MAD1L1: variants seen among roughly 807,000 people sequenced by gnomAD.
The protein encoded by MAD1L1 is mitotic spindle assembly checkpoint protein MAD1.
In MAD1L1, 95 loss-of-function variants were observed where a neutral mutation model predicts 96.9. The observed-to-expected ratio is 0.98, with a 90% CI of 0.83 to 1.16. MAD1L1 has a LOEUF of 1.16. Ranked by LOEUF, MAD1L1 falls within the 50% of genes most tolerant of loss-of-function variation. The probability of loss-of-function intolerance (pLI) is 0.00; values close to 1 mark genes in which losing one functional copy is unlikely to be tolerated. For synonymous variants in MAD1L1, 473 were observed against 396.6 expected, an observed-to-expected ratio of 1.19 and a Z score of -2.29; for missense variants, 1,007 against 954.4, an observed-to-expected ratio of 1.06 and a Z score of -0.73.
chr7:1,977,854 G>A (rs1780717571), intron 15 of MAD1L1, among the ~76,000 whole-genome samples: 1 of 152,256 alleles, frequency 6.6e-6, no homozygotes, highest in African/African-American at 2.4e-5. Context: ...CACGGGCCGG[G>A]ACACGCTGAC....
At chr7:1,824,496 A>C (rs1177920123) in intron 18 of MAD1L1, among the ~76,000 whole-genome samples, 2 of 152,172 alleles carry the variant, frequency 1.3e-5, no homozygotes, top group South Asian at 4.1e-4. Context: ...TGAGGACAGC[A>C]GCTGCCCCGT....
intron 16 of MAD1L1, among the ~76,000 whole-genome samples, chr7:1,951,346 G>A (rs982223251): frequency 6.6e-6 from 1 of 152,236 alleles, no homozygotes; most frequent in Admixed American, 6.5e-5. Flanking sequence ...GGCAGGGTTG[G>A]AGTAGTCACC....
chr7:2,121,432 G>A (rs894957426), intron 11 of MAD1L1, among the ~76,000 whole-genome samples: 2 of 152,100 alleles, frequency 1.3e-5, no homozygotes, highest in Admixed American at 1.3e-4. Flanking sequence ...TGGCAGGCAC[G>A]ACCTCACAGC....
chr7:1,916,092 CCA>C lies in MAD1L1; in HGVS notation c.1808-17704_1808-17703del, dbSNP rs1788373490. 1.3e-5 allele frequency among the ~76,000 whole-genome samples: 2 copies of C among 152,154 alleles called. 1 individual carries two copies. The highest frequency in any genetic ancestry group is 4.8e-5 in the African/African-American group (2 of 41,434). On this transcript the variant is annotated intron_variant, in intron 17 of 18. Coordinates refer to ENST00000265854, the MANE Select transcript of MAD1L1 (RefSeq NM_001013836.2). ...CACCTGTGAGGAAGTGCAGGCATCC[CCA>C]CACACTCCGCACCCACCAGTGGGGC... is the stretch of plus-strand genomic sequence containing the variant.
At chr7:2,214,935 C>T (rs1460875138) in intron 9 of MAD1L1, among the ~76,000 whole-genome samples, 1 of 152,152 alleles carries the variant, frequency 6.6e-6, no homozygotes, top group African/African-American at 2.4e-5. Flanking sequence ...TAAGTGGCTT[C>T]AAACAACACA....
At chr7:2,129,501 G>C (rs1424727315) in intron 11 of MAD1L1, among the ~76,000 whole-genome samples, 1 of 152,214 alleles carries the variant, frequency 6.6e-6, no homozygotes. Context: ...CCAGTGACGA[G>C]GACGCGAGGA....
In MAD1L1 at chr7:1,904,621, G is replaced by A. The variant is rs149636506; in HGVS notation, c.1808-6231C>T. ...TTAATGAAGCATTGTTCCAGGCAGC[G>A]AGGATGCAGTGGCCTATGGAAGACG... On this transcript the variant is annotated intron_variant, in intron 17 of 18. Coordinates refer to ENST00000265854, the MANE Select transcript of MAD1L1 (RefSeq NM_001013836.2). Among the ~76,000 whole-genome samples the A allele has an allele frequency of 9.0e-4, 108 of 119,532 alleles. 24 individuals are homozygous for A. The highest frequency in any genetic ancestry group is 3.7e-3 in the African/African-American group (91 of 24,372). The allele number at this position is 119,532 out of a possible 152,430, so 78.4% of individuals were successfully genotyped here.
intron 11 of MAD1L1, among the ~76,000 whole-genome samples, chr7:2,082,732 G>A (rs1785715929): frequency 1.3e-5 from 2 of 152,242 alleles, no homozygotes; most frequent in Non-Finnish European, 1.5e-5. Flanking sequence ...TCACCCGATA[G>A]CCCAATTAGC....
intron 10 of MAD1L1, among the ~76,000 whole-genome samples, chr7:2,160,900 T>C (rs1003454324): frequency 6.6e-6 from 1 of 152,154 alleles, no homozygotes; most frequent in Non-Finnish European, 1.5e-5. Context: ...AGGTACTACA[T>C]AAAAATTTTA....
At chr7:2,144,006 G>A (rs1237210147) in intron 11 of MAD1L1, among the ~76,000 whole-genome samples, 1 of 152,204 alleles carries the variant, frequency 6.6e-6, no homozygotes, top group Non-Finnish European at 1.5e-5. Context: ...CATGACCCAG[G>A]GTCTCTGCTG....
Position 2,003,016 on chromosome 7 carries a change from G to A in MAD1L1, c.1360-895C>T, listed in dbSNP as rs59247352. 8.2e-4 allele frequency among the ~76,000 whole-genome samples: 3 copies of A among 3,674 alleles called. No individual in the cohort carries two copies. The East Asian group carries it at 0.075, about 92-fold the overall frequency. The allele number at this position is 3,674 out of a possible 152,430, so 2.4% of individuals were successfully genotyped here. ...TGTCCTAGAACCTGGGAGGAAGGGC[G>A]AGGCAGGGGGCCTTGTGAGACCCCC... On this transcript the variant is annotated intron_variant, in intron 13 of 18. Transcript: ENST00000265854.
intron 18 of MAD1L1, among the ~76,000 whole-genome samples, chr7:1,865,957 C>A (rs1430844122): frequency 6.6e-6 from 1 of 152,234 alleles, no homozygotes; most frequent in African/African-American, 2.4e-5. Context: ...CATCGGCCCG[C>A]AATGGGCCAG....
chr7:1,993,112 G>A (rs922813701), intron 14 of MAD1L1, among the ~76,000 whole-genome samples: 5 of 152,180 alleles, frequency 3.3e-5, no homozygotes, highest in African/African-American at 1.2e-4. Context: ...GAATGCACGG[G>A]GGACTTCACT....
At chr7:1,982,404 T>TC (rs937170103) in intron 14 of MAD1L1, among the ~76,000 whole-genome samples, 61 of 152,160 alleles carry the variant, frequency 4.0e-4, no homozygotes, top group African/African-American at 1.4e-3. Flanking sequence ...AGACGGGGTT[T>TC]CACCATGTTG....
rs559988219 is a variant in MAD1L1 at position 2,083,700 on chromosome 7, C to T, written c.1074-14362G>A. 1.8e-4 allele frequency among the ~76,000 whole-genome samples: 27 copies of T among 152,366 alleles called. No individual in the cohort carries two copies. In the East Asian group the frequency reaches 2.7e-3, roughly 15 times the overall value. On this transcript the variant is annotated intron_variant, in intron 11 of 18. Transcript: ENST00000265854. ...GAGACCTGGGTTGAAACCCGGCCTCCGCCACTGACCTGCAGCAGGCTGTGT... is the reference window on the plus strand; with the variant it reads ...GAGACCTGGGTTGAAACCCGGCCTCTGCCACTGACCTGCAGCAGGCTGTGT...
At chr7:1,937,446 G>A (rs946388529) in intron 16 of MAD1L1, among the ~76,000 whole-genome samples, 16 of 152,198 alleles carry the variant, frequency 1.1e-4, no homozygotes, top group African/African-American at 3.6e-4. Flanking sequence ...ACCCAGGGCC[G>A]GGATGTGTGT....
intron 18 of MAD1L1, among the ~76,000 whole-genome samples, chr7:1,882,315 G>C (rs920630550): frequency 6.6e-6 from 1 of 152,238 alleles, no homozygotes; most frequent in African/African-American, 2.4e-5. Flanking sequence ...AACAAGATGG[G>C]ACGTGAAGTC....
intron 12 of MAD1L1, among the ~76,000 whole-genome samples, chr7:2,030,294 T>A (rs1783166676): frequency 6.6e-6 from 1 of 152,192 alleles, no homozygotes; most frequent in Admixed American, 6.5e-5. Context: ...TTCAGAGTCA[T>A]CCAAACTCAT....
chr7:2,008,751 C>T (rs1021355781), intron 13 of MAD1L1, among the ~76,000 whole-genome samples: 10 of 145,990 alleles, frequency 6.8e-5, no homozygotes, highest in African/African-American at 1.7e-4. Context: ...CAGCCTCAGA[C>T]GCAGACACGC....
Sources: gnomAD v4.1 joint callset for allele counts (sites outside exome capture counted in the v4.1 genomes callset) on GRCh38, gnomAD v4.1.1 for gene constraint, MANE v1.5 for transcripts, NCBI Gene and HGNC (gene_info 2026-07-23, HGNC 2026-07-21) for gene names.